Variants in CEP128 observed in about 807,000 individuals in gnomAD.
CEP128 encodes the protein centrosomal protein 128, also known as centrosomal protein 128kDa.
Under a neutral mutation model 156.7 loss-of-function variants are expected in CEP128, and 132 were observed. That is an observed-to-expected ratio of 0.84 (90% CI 0.73 to 0.97). The LOEUF is 0.97. Ranked by LOEUF, CEP128 falls within the 50% of genes least tolerant of loss-of-function variation. The probability of loss-of-function intolerance (pLI) is 0.00; values close to 1 mark genes in which losing one functional copy is unlikely to be tolerated. For synonymous variants in CEP128, 469 were observed against 448.9 expected (o/e 1.04, Z -0.57); for missense variants, 1,252 against 1,281.9 (o/e 0.98, Z 0.36).
chr14:80,931,133 G>T (rs77198875), intron 2 of CEP128, among the ~76,000 whole-genome samples: 4,716 of 152,274 alleles, frequency 0.031, 240 homozygotes, highest in African/African-American at 0.11. Flanking sequence ...ATGAGGATAC[G>T]ATATGCGTAC....
At chr14:80,612,509 T>G (rs1893033621) in intron 19 of CEP128, among the ~76,000 whole-genome samples, 1 of 152,188 alleles carries the variant, frequency 6.6e-6, no homozygotes, top group Non-Finnish European at 1.5e-5. Flanking sequence ...GCCATGAATT[T>G]TCCATTCAAA....
Position 80,957,285 on chromosome 14 carries a change from C to G in CEP128, c.-172+893G>C, listed in dbSNP as rs145563337. Reference sequence around the variant, plus strand: ...CTTCAGGCTGGGTAAGCTATACCCCCCTTCCCAACAGCGTTCTCTGCATGA... The same window carrying G: ...CTTCAGGCTGGGTAAGCTATACCCCGCTTCCCAACAGCGTTCTCTGCATGA... On this transcript the variant is annotated intron_variant, in intron 2 of 7. Coordinates refer to the CEP128 transcript ENST00000555529. Among the ~76,000 whole-genome samples, 44 of 152,210 alleles carry G rather than the reference C, an allele frequency of 2.9e-4. No individual in the cohort carries two copies. The East Asian group carries it at 7.5e-3, about 26-fold the overall frequency.
intron 16 of CEP128, among the ~76,000 whole-genome samples, chr14:80,768,688 G>A (rs1198133460): frequency 1.3e-5 from 2 of 152,326 alleles, no homozygotes; most frequent in South Asian, 2.1e-4. Context: ...AAACTTGGGT[G>A]TGAATGACTT....
chr14:80,632,113 G>A (rs1250748203), intron 19 of CEP128, among the ~76,000 whole-genome samples: 1 of 152,008 alleles, frequency 6.6e-6, no homozygotes, highest in Non-Finnish European at 1.5e-5. Context: ...AAAAGCAATA[G>A]CAAGCATATT....
intron 13 of CEP128, among the ~76,000 whole-genome samples, chr14:80,823,987 C>T (rs1188714016): frequency 7.2e-5 from 11 of 152,262 alleles, no homozygotes; most frequent in Admixed American, 7.2e-4. Context: ...GGCATCCAGG[C>T]ATTTGCATAC....
At chr14:80,679,569 C>G (rs914422850) in intron 19 of CEP128, among the ~76,000 whole-genome samples, 4 of 152,156 alleles carry the variant, frequency 2.6e-5, no homozygotes, top group Admixed American at 6.5e-5. Flanking sequence ...GCTCTCTGCT[C>G]TCAAACCCTG....
At chr14:80,791,821 C>T (rs1162189109) in intron 14 of CEP128, among the ~76,000 whole-genome samples, 1 of 152,174 alleles carries the variant, frequency 6.6e-6, no homozygotes, top group African/African-American at 2.4e-5. Context: ...TTTTCCATGA[C>T]AGCTCATCTG....
At chr14:80,751,431 C>A (rs1899387362) in intron 18 of CEP128, among the ~76,000 whole-genome samples, 1 of 152,086 alleles carries the variant, frequency 6.6e-6, no homozygotes, top group Non-Finnish European at 1.5e-5. Context: ...CTTGAGGAAG[C>A]AGCTTGGAAC....
chr14:80,938,319 T>C (rs2139621608), intron 2 of CEP128, among the ~76,000 whole-genome samples: 1 of 149,756 alleles, frequency 6.7e-6, no homozygotes, highest in African/African-American at 2.5e-5. Flanking sequence ...CGATCTCTGC[T>C]CATTGCAAGC....
intron 9 of CEP128, among the ~76,000 whole-genome samples, chr14:80,860,831 C>T (rs1248676999): frequency 6.6e-6 from 1 of 151,948 alleles, no homozygotes; most frequent in Non-Finnish European, 1.5e-5. Context: ...GTGAAAAAAA[C>T]TTTAAAAAAT....
At chr14:80,507,966 G>A (rs1888057883) in intron 23 of CEP128, among the ~76,000 whole-genome samples, 1 of 152,182 alleles carries the variant, frequency 6.6e-6, no homozygotes, top group Non-Finnish European at 1.5e-5. Flanking sequence ...CCAGGCTGGA[G>A]TGCAGTGGCA....
intron 16 of CEP128, among the ~76,000 whole-genome samples, chr14:80,769,721 G>A (rs1395582724): frequency 6.6e-6 from 1 of 151,936 alleles, no homozygotes; most frequent in East Asian, 1.9e-4. Context: ...AAAATAACCT[G>A]TATATAACAA....
chr14:80,707,782 C>A (rs2139394463), intron 19 of CEP128, among the ~76,000 whole-genome samples: 1 of 152,188 alleles, frequency 6.6e-6, no homozygotes, highest in East Asian at 1.9e-4. Flanking sequence ...GTCTAAAATA[C>A]CACCAATACC....
At chr14:80,677,640 C>T (rs553565604) in intron 19 of CEP128, among the ~76,000 whole-genome samples, 1 of 149,458 alleles carries the variant, frequency 6.7e-6, no homozygotes, top group South Asian at 2.1e-4. Flanking sequence ...AAAAAAAAAT[C>T]ACTTAAGGAA....
intron 13 of CEP128, among the ~76,000 whole-genome samples, chr14:80,823,725 G>T (rs765735652): frequency 2.6e-5 from 4 of 152,222 alleles, no homozygotes; most frequent in Non-Finnish European, 4.4e-5. Flanking sequence ...TGGCTTTGCA[G>T]GGTAGAGCTC....
intron 19 of CEP128, among the ~76,000 whole-genome samples, chr14:80,626,972 A>G (rs1214902033): frequency 6.6e-6 from 1 of 152,164 alleles, no homozygotes; most frequent in Non-Finnish European, 1.5e-5. Context: ...TTTTAACCAC[A>G]GTTGAAACCC....
intron 6 of CEP128, among the ~76,000 whole-genome samples, chr14:80,904,564 C>T (rs1157933943): frequency 1.3e-5 from 2 of 151,996 alleles, no homozygotes; most frequent in East Asian, 3.8e-4. Flanking sequence ...TTGATCATGC[C>T]ACATTGCATA....
At chr14:80,721,845 A>G (rs1261106134) in intron 19 of CEP128, among the ~76,000 whole-genome samples, 2 of 152,206 alleles carry the variant, frequency 1.3e-5, no homozygotes, top group African/African-American at 4.8e-5. Context: ...TAATTGTTTG[A>G]GCAAAGTGAT....
intron 19 of CEP128, among the ~76,000 whole-genome samples, chr14:80,608,902 G>C (rs1393172042): frequency 2.0e-5 from 3 of 152,064 alleles, no homozygotes; most frequent in Non-Finnish European, 4.4e-5. Flanking sequence ...TATTAATTGA[G>C]AGCTCTTTGG....
Sources: gnomAD v4.1 joint callset for allele counts (sites outside exome capture counted in the v4.1 genomes callset) on GRCh38, gnomAD v4.1.1 for gene constraint, MANE v1.5 for transcripts, NCBI Gene and HGNC (gene_info 2026-07-23, HGNC 2026-07-21) for gene names.